The following EIF3H variants were observed in gnomAD, a reference collection of about 807,000 sequenced individuals.
EIF3H encodes eukaryotic translation initiation factor 3 subunit H, also known as eIF-3-gamma.
EIF3H carries 26 observed loss-of-function variants against 44.2 expected under a neutral mutation model. That is an observed-to-expected ratio of 0.59 (90% CI 0.43 to 0.82). The LOEUF (loss-of-function observed/expected upper bound fraction) is 0.82, where lower values mean the gene tolerates loss of function less well. Ranked by LOEUF, EIF3H falls within the 40% of genes least tolerant of loss-of-function variation. EIF3H has a pLI of 0.00. For missense variants in EIF3H, 359 were observed against 432.8 expected (o/e 0.83, Z 1.51); for synonymous variants, 166 against 151.9 (o/e 1.09, Z -0.68).
intron 1 of EIF3H, among the ~76,000 whole-genome samples, chr8:116,752,153 G>A (rs572043224): frequency 6.6e-6 from 1 of 152,254 alleles, no homozygotes; most frequent in African/African-American, 2.4e-5. Flanking sequence ...GCAAAAGAAA[G>A]AAACCATAAA....
chr8:116,736,111 G>T (rs993568068), intron 1 of EIF3H, among the ~76,000 whole-genome samples: 3 of 152,168 alleles, frequency 2.0e-5, no homozygotes, highest in Non-Finnish European at 4.4e-5. Flanking sequence ...CATGCAAAGT[G>T]AAAGAAGTTA....
At chr8:116,662,068 T>A (rs1255543875) in intron 2 of EIF3H, among the ~76,000 whole-genome samples, 2 of 151,912 alleles carry the variant, frequency 1.3e-5, no homozygotes, top group Non-Finnish European at 2.9e-5. Context: ...GTCATAAGAG[T>A]TTTCATATCA....
chr8:116,666,209 G>A (rs1256002011), intron 2 of EIF3H, among the ~76,000 whole-genome samples: 4 of 152,070 alleles, frequency 2.6e-5, no homozygotes, highest in Non-Finnish European at 5.9e-5. Flanking sequence ...CTTCTTTAAA[G>A]TGTTTATGAA....
chr8:116,651,252 A>G (rs983311350), intron 5 of EIF3H, among the ~76,000 whole-genome samples: 1 of 152,212 alleles, frequency 6.6e-6, no homozygotes, highest in Non-Finnish European at 1.5e-5. Flanking sequence ...AGCATAGAGA[A>G]AAGTGAGCAG....
At chr8:116,646,798 A>C (rs1813308918) in intron 6 of EIF3H, among the ~76,000 whole-genome samples, 195 bp from the exon 7 acceptor site, 5 of 151,998 alleles carry the variant, frequency 3.3e-5, no homozygotes, top group Admixed American at 3.3e-4. Context: ...TTTGTTGAAA[A>C]CTCTAGTGTC....
intron 5 of EIF3H, among the ~76,000 whole-genome samples, chr8:116,651,297 CTTTA>C (rs1181213892): frequency 2.0e-5 from 3 of 152,150 alleles, no homozygotes; most frequent in African/African-American, 7.2e-5. Context: ...AGCAGGCAAT[CTTTA>C]TTTGATAGGA....
intron 5 of EIF3H, among the ~76,000 whole-genome samples, chr8:116,649,185 G>A (rs1355373508): frequency 6.6e-6 from 1 of 152,160 alleles, no homozygotes; most frequent in Non-Finnish European, 1.5e-5. Flanking sequence ...TGTTAGGGTA[G>A]GAACTGTTAA....
At position 116,643,058 on chromosome 8, in the gene EIF3H, C is replaced by T. The variant is rs1317080619; in HGVS notation, c.*1948G>A. 6.6e-6 allele frequency: 1 copy of T among 152,180 alleles called. No individual in the cohort carries two copies. The highest frequency in any genetic ancestry group is 1.5e-5 in the Non-Finnish European group (1 of 68,030). 9.4% of individuals were successfully genotyped at this position (152,180 alleles called of 1,614,324 possible). A position where few individuals can be genotyped will look rare whatever the true frequency, so the allele number is the denominator to read the frequency against. ...ACTGATTTTCCTTGCTTTTATTTTG[C>T]TCGCTTGCTACTTTAAGGGTGCTTT... On this transcript the variant is annotated 3_prime_UTR_variant, in exon 8 of 8. Transcript: ENST00000521861.
intron 2 of EIF3H, among the ~76,000 whole-genome samples, chr8:116,691,528 C>T (rs928239658): frequency 1.3e-5 from 2 of 151,680 alleles, no homozygotes; most frequent in Admixed American, 1.3e-4. Context: ...CCTCAAAATA[C>T]CACCAACAGG....
chr8:116,679,283 C>T (rs1813920778), intron 2 of EIF3H, among the ~76,000 whole-genome samples: 2 of 49,674 alleles, frequency 4.0e-5, no homozygotes, highest in Non-Finnish European at 1.2e-4. Flanking sequence ...CCGCCCCGTC[C>T]GGGAGGGAGG....
At chr8:116,702,006 A>G (rs987677070) in intron 2 of EIF3H, among the ~76,000 whole-genome samples, 1 of 151,600 alleles carries the variant, frequency 6.6e-6, no homozygotes, top group East Asian at 1.9e-4. Flanking sequence ...TTTTTTTTTT[A>G]AATAAAAGAT....
chr8:116,697,647 C>T (rs1814292037), intron 2 of EIF3H, among the ~76,000 whole-genome samples: 1 of 152,174 alleles, frequency 6.6e-6, no homozygotes, highest in Non-Finnish European at 1.5e-5. Flanking sequence ...TGAGCTTGTC[C>T]TCTTCACACT....
intron 1 of EIF3H, among the ~76,000 whole-genome samples, chr8:116,761,518 A>G (rs1314173426): frequency 6.6e-6 from 1 of 152,226 alleles, no homozygotes; most frequent in African/African-American, 2.4e-5. Flanking sequence ...TCTCAAAAAA[A>G]TAAATACATA....
At chr8:116,645,509 G>A (rs1465601606) in intron 7 of EIF3H, among the ~76,000 whole-genome samples, 1 of 152,130 alleles carries the variant, frequency 6.6e-6, no homozygotes. Flanking sequence ...GAACAAGTAC[G>A]GTAGGTTTTC....
At chr8:116,752,752 A>AGAGGGAGG (rs539328331) in intron 1 of EIF3H, among the ~76,000 whole-genome samples, 2 of 40,910 alleles carry the variant, frequency 4.9e-5, no homozygotes, top group African/African-American at 9.3e-5. Flanking sequence ...AAAGAAAGAA[A>AGAGGGAGG]GAGGGAGGGA....
chr8:116,724,364 A>G (rs1008766761), intron 2 of EIF3H, among the ~76,000 whole-genome samples: 2 of 152,176 alleles, frequency 1.3e-5, no homozygotes, highest in Non-Finnish European at 1.5e-5. Context: ...AAAACAGAGG[A>G]AAAAAGCTTC....
chr8:116,659,081 T>C, intron 2 of EIF3H, 101 bp from the exon 3 acceptor site: 1 of 957,162 alleles, frequency 1.0e-6, no homozygotes, highest in Non-Finnish European at 1.5e-6. Flanking sequence ...CATAACAATT[T>C]ATTAGCAATA....
chr8:116,743,770 A>AT (rs1491108959), intron 1 of EIF3H, among the ~76,000 whole-genome samples: 6 of 45,166 alleles, frequency 1.3e-4, no homozygotes, highest in Admixed American at 1.1e-3. Context: ...AAATACATAC[A>AT]TATATATATA....
intron 1 of EIF3H, among the ~76,000 whole-genome samples, chr8:116,732,173 T>C (rs1394436842): frequency 6.6e-6 from 1 of 152,096 alleles, no homozygotes; most frequent in Admixed American, 6.6e-5. Flanking sequence ...AAGCAGACTA[T>C]ACGCCATCTC....
Sources: allele counts gnomAD v4.1 joint callset (sites outside exome capture counted in the v4.1 genomes callset), GRCh38; gene constraint gnomAD v4.1.1; transcripts MANE v1.5; gene names NCBI Gene and HGNC (gene_info 2026-07-23, HGNC 2026-07-21).